Variants in CTNNA3 observed in about 807,000 individuals in gnomAD.
CTNNA3 encodes the protein catenin alpha-3.
CTNNA3 carries 76 observed loss-of-function variants against 95.7 expected under a neutral mutation model. That is an observed-to-expected ratio of 0.79 (90% CI 0.66 to 0.96). CTNNA3 has a LOEUF of 0.96. Ranked by LOEUF, CTNNA3 falls within the 40% of genes least tolerant of loss-of-function variation. The pLI is 0.00. For missense variants in CTNNA3, 1,191 were observed against 1,089.8 expected (o/e 1.09, Z -1.31); for synonymous variants, 431 against 374.4 (o/e 1.15, Z -1.74).
intron 13 of CTNNA3, among the ~76,000 whole-genome samples, chr10:66,107,060 C>T (rs529259116): frequency 7.5e-4 from 114 of 152,266 alleles, no homozygotes; most frequent in South Asian, 5.6e-3. Flanking sequence ...GCGAAATTAT[C>T]TCTTAAACTG....
At chr10:66,327,025 T>C (rs1443678890) in intron 12 of CTNNA3, among the ~76,000 whole-genome samples, 3 of 152,102 alleles carry the variant, frequency 2.0e-5, no homozygotes, top group Non-Finnish European at 4.4e-5. Flanking sequence ...TACAACTGCA[T>C]GCTCACAAAG....
intron 14 of CTNNA3, among the ~76,000 whole-genome samples, chr10:66,074,293 G>A (rs750431398): frequency 5.9e-5 from 9 of 151,328 alleles, no homozygotes; most frequent in South Asian, 2.1e-4. Context: ...AAACTATTCC[G>A]TTTTTGGCTA....
chr10:66,006,179 A>T (rs1006403148), intron 15 of CTNNA3, among the ~76,000 whole-genome samples: 2 of 151,430 alleles, frequency 1.3e-5, no homozygotes, highest in African/African-American at 2.4e-5. Flanking sequence ...TGCCCGGCTA[A>T]TTTTTTTGTA....
At chr10:66,704,402 A>C (rs1848052850) in intron 9 of CTNNA3, among the ~76,000 whole-genome samples, 1 of 152,160 alleles carries the variant, frequency 6.6e-6, no homozygotes, top group South Asian at 2.1e-4. Flanking sequence ...GGAGTTTTTA[A>C]TATTTTTAAT....
intron 10 of CTNNA3, among the ~76,000 whole-genome samples, chr10:66,524,154 A>G (rs1008252904): frequency 1.1e-3 from 15 of 13,794 alleles, no homozygotes; most frequent in Non-Finnish European, 3.4e-3. Flanking sequence ...TACTTAACAT[A>G]TCCATGGAAA....
At chr10:66,451,069 T>G (rs1026243559) in intron 11 of CTNNA3, among the ~76,000 whole-genome samples, 3 of 152,008 alleles carry the variant, frequency 2.0e-5, no homozygotes, top group Non-Finnish European at 2.9e-5. Flanking sequence ...TACACACACA[T>G]ACACACACAT....
intron 7 of CTNNA3, among the ~76,000 whole-genome samples, chr10:67,045,895 A>C (rs2133165078): frequency 6.6e-6 from 1 of 152,346 alleles, no homozygotes; most frequent in East Asian, 1.9e-4. Context: ...ATAAGCTGTA[A>C]AAAGATTTAC....
intron 13 of CTNNA3, among the ~76,000 whole-genome samples, chr10:66,166,236 A>T (rs2085119354): frequency 6.6e-6 from 1 of 151,968 alleles, no homozygotes; most frequent in African/African-American, 2.4e-5. Context: ...TGGCCGGATC[A>T]CCTGAGATCA....
intron 10 of CTNNA3, among the ~76,000 whole-genome samples, chr10:66,565,122 G>C (rs1842666819): frequency 6.6e-6 from 1 of 152,082 alleles, no homozygotes; most frequent in South Asian, 2.1e-4. Context: ...GCTTCTTGGA[G>C]TAATGACATT....
chr10:67,155,624 C>T (rs1477126868), intron 7 of CTNNA3, among the ~76,000 whole-genome samples: 2 of 151,830 alleles, frequency 1.3e-5, no homozygotes, highest in South Asian at 2.1e-4. Context: ...ATTCATTTTA[C>T]AGATGAAAAT....
chr10:66,251,241 C>A (rs894436393), intron 13 of CTNNA3, among the ~76,000 whole-genome samples: 4 of 152,094 alleles, frequency 2.6e-5, no homozygotes, highest in Non-Finnish European at 5.9e-5. Flanking sequence ...ATGGACATCT[C>A]TTTTCTTACA....
chr10:66,389,476 C>T (rs1281944741), intron 11 of CTNNA3, among the ~76,000 whole-genome samples: 2 of 151,964 alleles, frequency 1.3e-5, no homozygotes, highest in Non-Finnish European at 1.5e-5. Context: ...GAATTATTAG[C>T]AATTTCTATC....
At chr10:67,101,720 G>GA in intron 7 of CTNNA3, among the ~76,000 whole-genome samples, 1 of 151,552 alleles carries the variant, frequency 6.6e-6, no homozygotes, top group South Asian at 2.1e-4. Context: ...TGACTCCATT[G>GA]ACTGCTTAGA....
At chr10:67,504,156 C>CAAAAAAAAA in intron 5 of CTNNA3, among the ~76,000 whole-genome samples, 1 of 92,088 alleles carries the variant, frequency 1.1e-5, no homozygotes, top group East Asian at 3.6e-4. Flanking sequence ...GACTCCGTCT[C>CAAAAAAAAA]AAAAAAAAAA....
rs369867054 is a variant in CTNNA3 at position 66,259,900 on chromosome 10, G to A, written c.1884+20570C>T. Among the ~76,000 whole-genome samples, 11 of 152,304 alleles carry A rather than the reference G, an allele frequency of 7.2e-5. No homozygotes were observed. In the East Asian group the frequency reaches 1.4e-3, roughly 19 times the overall value. On this transcript the variant is annotated intron_variant, in intron 13 of 17. Transcript: ENST00000433211. ...CCACCTGCAAAATCAGAGTGTAAAC[G>A]AAAGAGTTGAGCTGCAATTAGAAAC...
At chr10:67,213,852 G>A (rs554208076) in intron 6 of CTNNA3, among the ~76,000 whole-genome samples, 1 of 151,646 alleles carries the variant, frequency 6.6e-6, no homozygotes, top group African/African-American at 2.4e-5. Flanking sequence ...TTTTCCATGT[G>A]TCCTCGAAAA....
At chr10:66,133,070 A>G (rs2083191741) in intron 13 of CTNNA3, among the ~76,000 whole-genome samples, 1 of 152,172 alleles carries the variant, frequency 6.6e-6, no homozygotes, top group Non-Finnish European at 1.5e-5. Flanking sequence ...TTAAAACTCC[A>G]GAACATACAA....
chr10:67,674,143 A>T (rs1840493222), intron 1 of CTNNA3, among the ~76,000 whole-genome samples: 1 of 151,938 alleles, frequency 6.6e-6, no homozygotes, highest in African/African-American at 2.4e-5. Context: ...TCACGATATG[A>T]CTGTATTTGG....
At chr10:66,269,282 T>C (rs2091226309) in intron 13 of CTNNA3, among the ~76,000 whole-genome samples, 1 of 152,128 alleles carries the variant, frequency 6.6e-6, no homozygotes. Context: ...CTAAAATAAG[T>C]TTGTACTCTA....
Sources: allele counts gnomAD v4.1 joint callset (sites outside exome capture counted in the v4.1 genomes callset), GRCh38; gene constraint gnomAD v4.1.1; transcripts MANE v1.5; gene names NCBI Gene and HGNC (gene_info 2026-07-23, HGNC 2026-07-21).